Variants in CENPF observed in about 807,000 individuals in gnomAD.
CENPF encodes the protein centromere protein F, also known as AH antigen.
A neutral mutation model predicts 307.3 loss-of-function variants in CENPF; 214 were observed. The ratio of observed to expected loss-of-function variants is 0.70; its 90% CI spans 0.62 to 0.78. The LOEUF (loss-of-function observed/expected upper bound fraction) is 0.78, where lower values mean the gene tolerates loss of function less well. CENPF is among the 30% of genes least tolerant of loss of function. CENPF has a pLI of 0.00. For synonymous variants in CENPF, 1,259 were observed against 1,270.6 expected, an observed-to-expected ratio of 0.99 and a Z score of 0.19; for missense variants, 3,401 against 3,483.9, an observed-to-expected ratio of 0.98 and a Z score of 0.60.
intron 10 of CENPF, among the ~76,000 whole-genome samples, chr1:214,633,110 T>C (rs1479016496): frequency 6.6e-6 from 1 of 152,232 alleles, no homozygotes; most frequent in African/African-American, 2.4e-5. Flanking sequence ...AAAATTCTTA[T>C]AAAAACATCA....
intron 17 of CENPF, among the ~76,000 whole-genome samples, chr1:214,656,575 A>G (rs987841361): frequency 6.6e-6 from 1 of 152,182 alleles, no homozygotes; most frequent in Non-Finnish European, 1.5e-5. Flanking sequence ...TCATCCACTT[A>G]TGGTAGACAG....
chr1:214,608,143 T>G (rs1298686795), intron 1 of CENPF, among the ~76,000 whole-genome samples: 2 of 152,218 alleles, frequency 1.3e-5, no homozygotes, highest in Admixed American at 6.5e-5. Flanking sequence ...ATGTGGAGGC[T>G]GCACCTGCAC....
In CENPF at chr1:214,647,309, A is replaced by G; in HGVS notation, c.7739A>G (p.Gln2580Arg). The change falls in exon 13 of 20, where the codon CAG (glutamine) becomes CGG (arginine). Residue 2580 changes from glutamine to arginine, a missense_variant. Coordinates refer to ENST00000366955, the MANE Select transcript of CENPF (RefSeq NM_016343.4). ...QVLQSKNASL[Q>R]DTLEVLQSSY... ...CTACAATCCAAAAATGCCTCTTTGCAGGACACATTAGAAGTGCTGCAGAGT... is the reference window on the plus strand; with the variant it reads ...CTACAATCCAAAAATGCCTCTTTGCGGGACACATTAGAAGTGCTGCAGAGT... 2 of 1,614,088 alleles carry G rather than the reference A, an allele frequency of 1.2e-6. No homozygotes were observed. Among genetic ancestry groups the G allele is most frequent in the African/African-American group, 1.3e-5 (1 of 75,062 alleles).
rs749000239 is a variant in CENPF, at chr1:214,643,318, A to G, written c.4980A>G (p.Thr1660=). Residue 1660 remains threonine, a synonymous_variant, in exon 12 of 20, where the codon ACA becomes ACG. Transcript: ENST00000366955. ...LSSRSLLGID[T]EDAIQGRNES... is the part of the protein sequence containing the mutation. ...CTCGGTCTTTGCTTGGCATCGACACAGAAGATGTAAGTACCTGGGATTTAA... is the reference window on the plus strand; with the variant it reads ...CTCGGTCTTTGCTTGGCATCGACACGGAAGATGTAAGTACCTGGGATTTAA... 2.0e-6 allele frequency: 3 copies of G among 1,493,070 alleles called. No homozygotes were observed. Among genetic ancestry groups the G allele is most frequent in the East Asian group, 4.7e-5 (2 of 42,386 alleles). The allele number at this position is 1,493,070 out of a possible 1,614,324, so 92.5% of individuals were successfully genotyped here.
At chr1:214,634,947 A>T (rs2102552617) in intron 10 of CENPF, among the ~76,000 whole-genome samples, 1 of 152,332 alleles carries the variant, frequency 6.6e-6, no homozygotes, top group Admixed American at 6.5e-5. Flanking sequence ...CAGTACTGGA[A>T]ATGTGATTTA....
At chr1:214,653,578 A>G (rs1346178379) in intron 16 of CENPF, 1 of 154,524 alleles carries the variant, frequency 6.5e-6, no homozygotes, top group African/African-American at 2.4e-5. Context: ...TCATTCCTAC[A>G]GATATTTTTC....
intron 1 of CENPF, chr1:214,606,153 G>A: frequency 7.0e-7 from 1 of 1,420,492 alleles, no homozygotes; most frequent in Non-Finnish European, 9.4e-7. Context: ...GCGTCCCCGG[G>A]CCCAGCTCCG....
At chr1:214,618,108 C>G (rs1216068140) in intron 3 of CENPF, among the ~76,000 whole-genome samples, 2 of 152,136 alleles carry the variant, frequency 1.3e-5, no homozygotes, top group Non-Finnish European at 2.9e-5. Context: ...GAGGAAGCCC[C>G]TTATAAAACC....
At chr1:214,644,499 T>G in intron 12 of CENPF, 58 bp from the exon 13 acceptor site, 1 of 1,467,948 alleles carries the variant, frequency 6.8e-7, no homozygotes, top group Non-Finnish European at 9.1e-7. Flanking sequence ...CTAAATCTAT[T>G]CTATTTTGAT....
rs562452567 is a variant in CENPF at position 214,630,477 on chromosome 1, C to A, written c.1195-57C>A. 3.0e-4 allele frequency: 476 copies of A among 1,604,886 alleles called. 2 individuals are homozygous for A. The highest frequency in any genetic ancestry group is 1.2e-4 in the Non-Finnish European group (136 of 1,175,298). On this transcript the variant is annotated intron_variant, in intron 8 of 19. Transcript: ENST00000366955. ...CCTGTTAGGATGCTCATGCCTCACC[C>A]TGGAGTCTCCCTAGCGAACCATCAT...
chr1:214,640,590 G>T lies in CENPF; in HGVS notation c.2252G>T (p.Arg751Leu), dbSNP rs77399701. Reference sequence around the variant, plus strand: ...TCAAATGAAATAATGGACAAAGACCGGTGTTACCAAGACTTGCATGCCGAA... The same window carrying T: ...TCAAATGAAATAATGGACAAAGACCTGTGTTACCAAGACTTGCATGCCGAA... ...LLSNEIMDKD[R>L]CYQDLHAEYE... Residue 751 changes from arginine (R) to leucine (L), a missense_variant, in exon 12 of 20, where the codon CGG becomes CTG. Arg to Leu is a moderately radical substitution (Grantham distance 102, BLOSUM62 -2). Transcript: ENST00000366955. 3 of 1,614,002 alleles carry T rather than the reference G, an allele frequency of 1.9e-6. No homozygotes were observed. The highest frequency in any genetic ancestry group is 1.7e-6 in the Non-Finnish European group (2 of 1,179,922).
At position 214,625,901 on chromosome 1, in the gene CENPF, T is replaced by C. The variant is rs115804779; in HGVS notation, c.1069-3145T>C. On this transcript the variant is annotated intron_variant, in intron 7 of 19. Transcript: ENST00000366955. ...TAATAGAATTGTCTTAAATGTTTTC[T>C]GTACATACATTTAGAACTACATTTT... Among the ~76,000 whole-genome samples the C allele has an allele frequency of 3.5e-3, 532 of 152,336 alleles. 3 individuals carry two copies. Among genetic ancestry groups the C allele is most frequent in the African/African-American group, 0.012 (512 of 41,586 alleles).
chr1:214,658,814 C>A (rs778972430), intron 18 of CENPF, 36 bp from the exon 19 acceptor site: 3 of 1,600,194 alleles, frequency 1.9e-6, no homozygotes, highest in Non-Finnish European at 2.6e-6. Context: ...TAGAATTGGA[C>A]CTAGCAGTGC....
chr1:214,630,810 C>A (rs879459648), intron 9 of CENPF, 148 bp downstream of exon 9: 3 of 1,035,438 alleles, frequency 2.9e-6, no homozygotes, highest in Non-Finnish European at 4.1e-6. Context: ...TGTACAGAAC[C>A]ATTCTGGCTC....
rs564687150 is a variant in CENPF at position 214,652,990 on chromosome 1, G to A, written c.8322+1G>A. 1 of 1,602,526 alleles carries A rather than the reference G, an allele frequency of 6.2e-7. No individual in the cohort carries two copies. Among genetic ancestry groups the A allele is most frequent in the Non-Finnish European group, 8.5e-7 (1 of 1,174,054 alleles). On this transcript the variant is annotated splice_donor_variant, in intron 16 of 19. Transcript: ENST00000366955. LOFTEE classifies it high-confidence loss of function. ...TTTGGAAGAATTGAAGAAAACCAAG[G>A]TATGTTCACTTTAATTTGCTTCATG...
At chr1:214,609,064 A>G (rs1657125595) in intron 1 of CENPF, among the ~76,000 whole-genome samples, 1 of 151,508 alleles carries the variant, frequency 6.6e-6, no homozygotes, top group South Asian at 2.1e-4. Flanking sequence ...TCTCCATGTC[A>G]CGCCGTGGGA....
At chr1:214,605,271 G>A (rs1656991100) in intron 1 of CENPF, among the ~76,000 whole-genome samples, 1 of 152,104 alleles carries the variant, frequency 6.6e-6, no homozygotes, top group South Asian at 2.1e-4. Context: ...GTATGTAATA[G>A]CTAACATATA....
In CENPF at chr1:214,622,917, G is replaced by A. The variant is rs186956191; in HGVS notation, c.1068+636G>A. ...AACTATGGATCGTAAGTATTTAGGG[G>A]GAAAAAGAAAAAGGCCGGGCACCTG... On this transcript the variant is annotated intron_variant, in intron 7 of 19. Coordinates refer to ENST00000366955, the MANE Select transcript of CENPF (RefSeq NM_016343.4). Among the ~76,000 whole-genome samples the A allele has an allele frequency of 3.7e-3, 566 of 151,958 alleles. 40 individuals carry two copies. The highest frequency in any genetic ancestry group is 0.013 in the African/African-American group (543 of 41,356).
rs917190245 is a variant in CENPF at position 214,648,957 on chromosome 1, C to T, written c.7983+130C>T. 5 of 885,994 alleles carry T rather than the reference C, an allele frequency of 5.6e-6. No individual in the cohort carries two copies. In the African/African-American group the frequency reaches 8.5e-5, roughly 15 times the overall value. 54.9% of individuals were successfully genotyped at this position (885,994 alleles called of 1,614,324 possible). A position where few individuals can be genotyped will look rare whatever the true frequency, so the allele number is the denominator to read the frequency against. On this transcript the variant is annotated intron_variant, in intron 14 of 19. Transcript: ENST00000366955. ...AGCTCTTGAAAAAAATAACCCTGTG[C>T]TTATGTCATAATCTGATTTATAGTA...
Sources: gnomAD v4.1 joint callset for allele counts (sites outside exome capture counted in the v4.1 genomes callset) on GRCh38, gnomAD v4.1.1 for gene constraint, MANE v1.5 for transcripts, NCBI Gene and HGNC (gene_info 2026-07-23, HGNC 2026-07-21) for gene names.